ARHGAP42: variants seen among roughly 807,000 people sequenced by gnomAD.
ARHGAP42 encodes the protein rho GTPase-activating protein 42.
ARHGAP42 carries 63 observed loss-of-function variants against 125.0 expected under a neutral mutation model. That is an observed-to-expected ratio of 0.50 (90% CI 0.41 to 0.62). ARHGAP42 has a LOEUF of 0.62. Ranked by LOEUF, ARHGAP42 falls within the 20% of genes least tolerant of loss-of-function variation. ARHGAP42 has a pLI of 0.00. For missense variants in ARHGAP42, 766 were observed against 1,024.2 expected (o/e 0.75, Z 3.44); for synonymous variants, 339 against 351.0 (o/e 0.97, Z 0.38).
chr11:100,877,673 G>T lies in ARHGAP42; in HGVS notation c.384+18048G>T, dbSNP rs553357843. On this transcript the variant is annotated intron_variant, in intron 4 of 23. Transcript: ENST00000298815. ...TCCTGGCTCTGCTGTGTGTGAACTTGATGACTTCAGGACAGCTCCTTAACT... is the reference window on the plus strand; with the variant it reads ...TCCTGGCTCTGCTGTGTGTGAACTTTATGACTTCAGGACAGCTCCTTAACT... Among the ~76,000 whole-genome samples, 6 of 152,258 alleles carry T rather than the reference G, an allele frequency of 3.9e-5. No homozygotes were observed. The East Asian group carries it at 1.2e-3, about 29-fold the overall frequency.
intron 17 of ARHGAP42, among the ~76,000 whole-genome samples, chr11:100,971,945 T>A (rs987935180): frequency 6.6e-5 from 10 of 152,196 alleles, no homozygotes; most frequent in African/African-American, 2.4e-4. Flanking sequence ...TACATACTAC[T>A]TTCCTGAGTA....
chr11:100,865,721 G>A (rs918960671), intron 4 of ARHGAP42, among the ~76,000 whole-genome samples: 2 of 152,114 alleles, frequency 1.3e-5, no homozygotes, highest in Admixed American at 6.5e-5. Context: ...CAATAATAGT[G>A]TTATGTCAAC....
intron 4 of ARHGAP42, 166 bp downstream of exon 4, chr11:100,859,791 A>C: frequency 2.0e-6 from 1 of 493,954 alleles, no homozygotes; most frequent in Non-Finnish European, 3.5e-6. Flanking sequence ...TCTTTTAGAC[A>C]TAAAAGATGT....
intron 2 of ARHGAP42, among the ~76,000 whole-genome samples, chr11:100,785,954 A>G (rs1369738654): frequency 1.3e-5 from 2 of 152,138 alleles, no homozygotes; most frequent in Non-Finnish European, 2.9e-5. Context: ...CTGCTTCTCT[A>G]CCTACTAGCT....
intron 12 of ARHGAP42, among the ~76,000 whole-genome samples, chr11:100,956,004 A>G (rs1211720656): frequency 6.6e-6 from 1 of 152,138 alleles, no homozygotes; most frequent in Non-Finnish European, 1.5e-5. Flanking sequence ...TCATTGGAAG[A>G]CAAACTATTT....
At chr11:100,789,635 C>T (rs1863519361) in intron 2 of ARHGAP42, among the ~76,000 whole-genome samples, 1 of 152,202 alleles carries the variant, frequency 6.6e-6, no homozygotes, top group Non-Finnish European at 1.5e-5. Flanking sequence ...CCTAATGCGT[C>T]TTGCATGGTT....
chr11:100,897,532 G>A (rs546587886), intron 4 of ARHGAP42, among the ~76,000 whole-genome samples: 1 of 152,184 alleles, frequency 6.6e-6, no homozygotes, highest in South Asian at 2.1e-4. Context: ...GTGGTTTGTA[G>A]TTCTCCTTGA....
At chr11:100,804,645 T>C (rs1863947242) in intron 3 of ARHGAP42, among the ~76,000 whole-genome samples, 1 of 151,650 alleles carries the variant, frequency 6.6e-6, no homozygotes, top group Non-Finnish European at 1.5e-5. Flanking sequence ...CCCGAGTAGC[T>C]GGGATTACAG....
chr11:100,958,061 A>C (rs868041644), intron 12 of ARHGAP42, among the ~76,000 whole-genome samples: 1 of 152,040 alleles, frequency 6.6e-6, no homozygotes, highest in Non-Finnish European at 1.5e-5. Flanking sequence ...AGGAACTTGC[A>C]GTTTTAGTTG....
intron 10 of ARHGAP42, among the ~76,000 whole-genome samples, chr11:100,945,150 C>A (rs1867983012): frequency 6.6e-6 from 1 of 152,090 alleles, no homozygotes; most frequent in Admixed American, 6.6e-5. Flanking sequence ...AAACCACTTT[C>A]TTTGCCCATC....
intron 10 of ARHGAP42, 91 bp downstream of exon 10, chr11:100,943,959 GTT>G (rs971979909): frequency 1.9e-4 from 154 of 818,044 alleles, no homozygotes; most frequent in Non-Finnish European, 4.6e-5. Context: ...GCATTCAAGT[GTT>G]TTTTAGTCTT....
chr11:100,818,883 A>G (rs1291967519), intron 3 of ARHGAP42, among the ~76,000 whole-genome samples: 2 of 152,152 alleles, frequency 1.3e-5, no homozygotes, highest in Admixed American at 6.6e-5. Context: ...TAGAGATGGC[A>G]TTCTCATAGG....
At chr11:100,761,346 ATTG>A (rs1862696544) in intron 1 of ARHGAP42, among the ~76,000 whole-genome samples, 2 of 152,250 alleles carry the variant, frequency 1.3e-5, no homozygotes, top group East Asian at 1.9e-4. Flanking sequence ...TGGCAGAGGA[ATTG>A]TTGTTGAGGC....
At chr11:100,800,832 A>G (rs1401481343) in intron 3 of ARHGAP42, among the ~76,000 whole-genome samples, 1 of 152,222 alleles carries the variant, frequency 6.6e-6, no homozygotes, top group African/African-American at 2.4e-5. Context: ...GATTATATAC[A>G]AAATAAGCGC....
intron 1 of ARHGAP42, among the ~76,000 whole-genome samples, chr11:100,766,378 A>G (rs1862829494): frequency 6.6e-6 from 1 of 152,182 alleles, no homozygotes; most frequent in African/African-American, 2.4e-5. Flanking sequence ...TTTTATATTT[A>G]AGAGAAAAAG....
At chr11:100,957,924 C>A (rs1483804446) in intron 12 of ARHGAP42, among the ~76,000 whole-genome samples, 1 of 152,028 alleles carries the variant, frequency 6.6e-6, no homozygotes, top group Non-Finnish European at 1.5e-5. Flanking sequence ...TCACTACTAT[C>A]TTCATTCCTT....
chr11:100,863,384 C>T (rs1865494404), intron 4 of ARHGAP42, among the ~76,000 whole-genome samples: 1 of 152,186 alleles, frequency 6.6e-6, no homozygotes, highest in Non-Finnish European at 1.5e-5. Context: ...GCTTGGTCCA[C>T]ACAGGCAAAG....
intron 16 of ARHGAP42, among the ~76,000 whole-genome samples, chr11:100,964,833 G>T (rs1858049264): frequency 6.6e-6 from 1 of 152,056 alleles, no homozygotes; most frequent in Non-Finnish European, 1.5e-5. Flanking sequence ...CTTCTGTATT[G>T]TCTTTATATT....
At chr11:100,939,169 G>C (rs1259071617) in intron 8 of ARHGAP42, among the ~76,000 whole-genome samples, 1 of 152,078 alleles carries the variant, frequency 6.6e-6, no homozygotes, top group Non-Finnish European at 1.5e-5. Context: ...GAAGAGCCAG[G>C]GGTTCCAGAG....
Sources: gnomAD v4.1 joint callset for allele counts (sites outside exome capture counted in the v4.1 genomes callset) on GRCh38, gnomAD v4.1.1 for gene constraint, MANE v1.5 for transcripts, NCBI Gene and HGNC (gene_info 2026-07-23, HGNC 2026-07-21) for gene names.